RAPGEF6: variants seen among roughly 807,000 people sequenced by gnomAD.
RAPGEF6 encodes Rap guanine nucleotide exchange factor 6, also known as PDZ domain containing guanine nucleotide exchange factor (GEF) 2.
Under a neutral mutation model 171.4 loss-of-function variants are expected in RAPGEF6, and 56 were observed. The ratio of observed to expected loss-of-function variants is 0.33; its 90% CI spans 0.26 to 0.41. The LOEUF (loss-of-function observed/expected upper bound fraction) is 0.41. Among genes scored for constraint, RAPGEF6 ranks in the 10% least tolerant of loss-of-function variants. The pLI is 1.00. For missense variants in RAPGEF6, 1,674 were observed against 1,921.4 expected (o/e 0.87, Z 2.41); for synonymous variants, 692 against 650.1 (o/e 1.06, Z -0.98).
At chr5:131,568,521 T>G (rs1762086631) in intron 4 of RAPGEF6, among the ~76,000 whole-genome samples, 1 of 152,088 alleles carries the variant, frequency 6.6e-6, no homozygotes, top group Admixed American at 6.6e-5. Flanking sequence ...GGTCTCCCTA[T>G]GTTGACAAGC....
At chr5:131,483,515 C>A (rs1755643497) in intron 15 of RAPGEF6, among the ~76,000 whole-genome samples, 1 of 151,802 alleles carries the variant, frequency 6.6e-6, no homozygotes, top group Non-Finnish European at 1.5e-5. Flanking sequence ...AACTACAATG[C>A]TATTAAACAG....
chr5:131,457,279 C>G (rs970115580), intron 19 of RAPGEF6, among the ~76,000 whole-genome samples: 4 of 152,172 alleles, frequency 2.6e-5, no homozygotes, highest in Non-Finnish European at 1.5e-5. Context: ...CCATGTTGGC[C>G]AGGCTGGTCT....
rs961654740 is a variant in RAPGEF6, at chr5:131,498,668, T to C, written c.1255-61A>G. 3.4e-6 allele frequency: 5 copies of C among 1,452,694 alleles called. No individual in the cohort carries two copies. The Admixed American group carries it at 9.4e-5, about 27-fold the overall frequency. The allele number at this position is 1,452,694 out of a possible 1,614,324, so 90.0% of individuals were successfully genotyped here. The stretch of plus-strand genomic sequence containing the variant: ...ACAAATGACCCAAGAACCAAAGAAC[T>C]ATTGTTGATTACTCCGCTTTGTAGC... On this transcript the variant is annotated intron_variant, in intron 11 of 27. Coordinates refer to ENST00000509018, the MANE Select transcript of RAPGEF6 (RefSeq NM_016340.6).
intron 24 of RAPGEF6, among the ~76,000 whole-genome samples, chr5:131,437,565 C>T (rs1257659342): frequency 1.3e-5 from 2 of 152,190 alleles, no homozygotes; most frequent in Non-Finnish European, 2.9e-5. Context: ...GTAAGGGGCG[C>T]ATTGGATAGG....
chr5:131,593,689 T>G (rs569375832), intron 3 of RAPGEF6, among the ~76,000 whole-genome samples: 81 of 152,362 alleles, frequency 5.3e-4, no homozygotes, highest in African/African-American at 1.7e-3. Flanking sequence ...CTTGCTATGC[T>G]TTAGCAATTA....
At chr5:131,451,089 C>A (rs1561474350) in intron 21 of RAPGEF6, among the ~76,000 whole-genome samples, 2 of 152,152 alleles carry the variant, frequency 1.3e-5, no homozygotes, top group Admixed American at 1.3e-4. Context: ...ACCAAACAAA[C>A]CCTTCTTTGC....
At chr5:131,507,979 A>T (rs1757474327) in intron 9 of RAPGEF6, 92 bp downstream of exon 9, 5 of 1,147,976 alleles carry the variant, frequency 4.4e-6, no homozygotes, top group Non-Finnish European at 6.0e-6. Context: ...TTCAAAAATC[A>T]GTACTCAAAA....
chr5:131,559,800 G>A (rs781207146), intron 5 of RAPGEF6, among the ~76,000 whole-genome samples: 4 of 146,304 alleles, frequency 2.7e-5, no homozygotes, highest in Non-Finnish European at 6.0e-5. Flanking sequence ...TCGCACCACC[G>A]CACACTCTAC....
chr5:131,635,041 C>T lies in RAPGEF6; in HGVS notation c.-11G>A. On this transcript the variant is annotated 5_prime_UTR_variant, in exon 1 of 28. Coordinates refer to ENST00000509018, the MANE Select transcript of RAPGEF6 (RefSeq NM_016340.6). Reference sequence around the variant, plus strand: ...CACGGGTGAGTTCATGGCCACGGCCCGGGTACTCCGCAGCCTGCCCTTAGC... The same window carrying T: ...CACGGGTGAGTTCATGGCCACGGCCTGGGTACTCCGCAGCCTGCCCTTAGC... The T allele has an allele frequency of 6.2e-7, 1 of 1,600,340 alleles. No homozygotes were observed. The highest frequency in any genetic ancestry group is 8.5e-7 in the Non-Finnish European group (1 of 1,169,916).
chr5:131,506,725 C>A (rs1029432675), intron 9 of RAPGEF6, among the ~76,000 whole-genome samples: 9 of 151,956 alleles, frequency 5.9e-5, no homozygotes, highest in Non-Finnish European at 1.0e-4. Context: ...TAGAACAGTA[C>A]CTGGCACAAA....
chr5:131,632,634 G>C (rs1166920241), intron 1 of RAPGEF6, among the ~76,000 whole-genome samples: 1 of 152,166 alleles, frequency 6.6e-6, no homozygotes, highest in African/African-American at 2.4e-5. Context: ...ATAGTGCACA[G>C]ACTAGTGCCT....
At chr5:131,497,129 G>A (rs1427439886) in intron 12 of RAPGEF6, among the ~76,000 whole-genome samples, 1 of 152,174 alleles carries the variant, frequency 6.6e-6, no homozygotes, top group Non-Finnish European at 1.5e-5. Flanking sequence ...GATTAATGAT[G>A]CTGAACATCT....
intron 15 of RAPGEF6, among the ~76,000 whole-genome samples, chr5:131,488,660 A>C (rs1186472285): frequency 2.0e-5 from 3 of 152,224 alleles, no homozygotes; most frequent in Admixed American, 2.0e-4. Flanking sequence ...TTCATTTTTC[A>C]TTATGACTAA....
At chr5:131,603,465 A>G (rs1392931415) in intron 2 of RAPGEF6, 138 bp from the exon 3 acceptor site, 5 of 590,422 alleles carry the variant, frequency 8.5e-6, no homozygotes, top group Non-Finnish European at 1.2e-5. Context: ...ACTAAACTAC[A>G]GAGAGTTTAG....
chr5:131,634,771 A>G (rs1449455883), intron 1 of RAPGEF6, among the ~76,000 whole-genome samples, 191 bp downstream of exon 1: 4 of 152,232 alleles, frequency 2.6e-5, no homozygotes, highest in Non-Finnish European at 5.9e-5. Flanking sequence ...TTAAGACCGC[A>G]TCACAGGCAG....
Position 131,427,271 on chromosome 5 carries a change from C to G in RAPGEF6, c.4801G>C (p.Val1601Leu), listed in dbSNP as rs201795942. 45 of 1,609,858 alleles carry G rather than the reference C, an allele frequency of 2.8e-5. No individual in the cohort carries two copies. The Admixed American group carries it at 4.8e-4, about 17-fold the overall frequency. ...EADENEQVSAV is the reference protein window; with the variant it reads ...EADENEQVSAL ...TCAAATAGGTCATCCAAAGGCTAGA[C>G]TGCTGAAACTTGTTCATTTTCTGAA... is the stretch of plus-strand genomic sequence containing the variant. The change falls in exon 28 of 28, where the codon GTC becomes CTC. Residue 1601 changes from valine to leucine, a missense_variant. Around this residue, in one of 3 missense-constraint regions of RAPGEF6, gnomAD observed 552 missense variants for 574.2 expected, o/e 0.96. Coordinates refer to ENST00000509018, the MANE Select transcript of RAPGEF6 (RefSeq NM_016340.6).
chr5:131,600,550 A>AAGGAAGGGAGGG (rs1554086099), intron 3 of RAPGEF6, among the ~76,000 whole-genome samples: 1 of 121,562 alleles, frequency 8.2e-6, no homozygotes, highest in African/African-American at 3.3e-5. Context: ...GGAAGGAAGG[A>AAGGAAGGGAGGG]AGGGAGGGAG....
intron 1 of RAPGEF6, among the ~76,000 whole-genome samples, chr5:131,632,065 G>A (rs1313594192): frequency 2.5e-5 from 3 of 120,732 alleles, no homozygotes; most frequent in Non-Finnish European, 1.6e-5. Flanking sequence ...GACAGAGCAA[G>A]ACTCTGTCTC....
intron 9 of RAPGEF6, among the ~76,000 whole-genome samples, chr5:131,506,040 C>G (rs1757352519): frequency 6.6e-6 from 1 of 152,052 alleles, no homozygotes; most frequent in African/African-American, 2.4e-5. Context: ...TAGTTAAAAG[C>G]CTGAATTTTA....
Sources: gnomAD v4.1 joint callset for allele counts (sites outside exome capture counted in the v4.1 genomes callset) on GRCh38, gnomAD v4.1.1 for gene constraint, gnomAD v4.1.1 regional missense constraint, MANE v1.5 for transcripts, NCBI Gene and HGNC (gene_info 2026-07-23, HGNC 2026-07-21) for gene names.